The following MTMR14 variants were observed in gnomAD, a reference collection of about 807,000 sequenced individuals.
MTMR14 encodes the protein myotubularin related protein 14, also known as phosphatidylinositol-3,5-bisphosphate 3-phosphatase MTMR14.
MTMR14 carries 48 observed loss-of-function variants against 86.3 expected under a neutral mutation model. The ratio of observed to expected loss-of-function variants is 0.56; its 90% CI spans 0.44 to 0.71. The LOEUF is 0.71. Among genes scored for constraint, MTMR14 ranks in the 30% least tolerant of loss-of-function variants. The probability of loss-of-function intolerance (pLI) is 0.00; values close to 1 mark genes in which losing one functional copy is unlikely to be tolerated. For missense variants in MTMR14, 780 were observed against 834.6 expected, an observed-to-expected ratio of 0.93 and a Z score of 0.81; for synonymous variants, 366 against 326.1, an observed-to-expected ratio of 1.12 and a Z score of -1.32.
At chr3:9,687,580 C>T (rs1027413205) in intron 13 of MTMR14, among the ~76,000 whole-genome samples, 1 of 151,680 alleles carries the variant, frequency 6.6e-6, no homozygotes, top group African/African-American at 2.4e-5. Flanking sequence ...AAATAGCTGG[C>T]TTAACCCTGG....
intron 16 of MTMR14, among the ~76,000 whole-genome samples, chr3:9,689,695 T>C (rs966766699): frequency 6.6e-6 from 1 of 152,156 alleles, no homozygotes; most frequent in African/African-American, 2.4e-5. Context: ...GCATAACATA[T>C]GGAGGTGGGC....
chr3:9,697,558 A>T (rs1319882082), intron 17 of MTMR14, among the ~76,000 whole-genome samples, 153 bp from the exon 18 acceptor site: 1 of 150,872 alleles, frequency 6.6e-6, no homozygotes, highest in Non-Finnish European at 1.5e-5. Context: ...CTCGGTCACT[A>T]CTTGTCCAGC....
In MTMR14 at chr3:9,677,860, T is replaced by C. The variant is rs1314672859; in HGVS notation, c.823-124T>C. The stretch of plus-strand genomic sequence containing the variant: ...AGCTGTCACTCCCAGGTAGCACAGG[T>C]ATCTGGCCCAGAGAAGGCAAGCACT... On this transcript the variant is annotated intron_variant, in intron 8 of 18. Transcript: ENST00000296003. This position sits in a 1 kb window ranked among gnomAD's most constrained non-coding sequence, Gnocchi z 4.2. The C allele has an allele frequency of 1.3e-6, 1 of 768,752 alleles. No individual in the cohort carries two copies. The highest frequency in any genetic ancestry group is 1.7e-5 in the African/African-American group (1 of 57,502). The allele number at this position is 768,752 out of a possible 1,614,324, so 47.6% of individuals were successfully genotyped here.
intron 7 of MTMR14, among the ~76,000 whole-genome samples, chr3:9,673,296 G>A (rs2048672673): frequency 6.6e-6 from 1 of 152,206 alleles, no homozygotes; most frequent in Non-Finnish European, 1.5e-5. Flanking sequence ...ACTGGACAGT[G>A]GCCACACCAT....
chr3:9,681,183 GTGAA>G (rs1043844950), intron 9 of MTMR14, among the ~76,000 whole-genome samples: 36 of 152,340 alleles, frequency 2.4e-4, no homozygotes, highest in African/African-American at 8.2e-4. Context: ...GAATGAATGA[GTGAA>G]TGAATGAATG....
At chr3:9,656,010 C>T (rs901473689) in intron 2 of MTMR14, among the ~76,000 whole-genome samples, 4 of 151,960 alleles carry the variant, frequency 2.6e-5, no homozygotes, top group African/African-American at 9.7e-5. Context: ...TCCTGGCCAA[C>T]ATGGTGAAAC....
intron 14 of MTMR14, 86 bp from the exon 15 acceptor site, chr3:9,688,610 T>C: frequency 6.5e-7 from 1 of 1,529,336 alleles, no homozygotes; most frequent in South Asian, 1.1e-5. Context: ...ATTGAGCTGC[T>C]TTCCAGGACA....
intron 9 of MTMR14, among the ~76,000 whole-genome samples, chr3:9,680,298 G>T (rs1214054528): frequency 6.6e-6 from 1 of 152,186 alleles, no homozygotes; most frequent in Non-Finnish European, 1.5e-5. Flanking sequence ...CGTCTCCTGT[G>T]CAGTGCCTAG....
chr3:9,670,974 T>C, intron 5 of MTMR14, 74 bp from the exon 6 acceptor site: 2 of 1,600,046 alleles, frequency 1.2e-6, no homozygotes, highest in Non-Finnish European at 1.7e-6. Context: ...CATACTTCCC[T>C]GAATGAGTGC....
At chr3:9,663,112 G>A (rs2048032715) in intron 3 of MTMR14, among the ~76,000 whole-genome samples, 1 of 152,190 alleles carries the variant, frequency 6.6e-6, no homozygotes, top group African/African-American at 2.4e-5. Flanking sequence ...CGTTTGAGCG[G>A]GGAAATTCCG....
At chr3:9,666,668 C>T (rs1202547384) in intron 3 of MTMR14, among the ~76,000 whole-genome samples, 1 of 152,158 alleles carries the variant, frequency 6.6e-6, no homozygotes, top group Non-Finnish European at 1.5e-5. Flanking sequence ...TTGAGTCTGG[C>T]TTTTAGACCA....
chr3:9,659,755 G>A (rs1234215950), intron 2 of MTMR14: 1 of 456,560 alleles, frequency 2.2e-6, no homozygotes, highest in Non-Finnish European at 4.4e-6. Context: ...AACTGAATTG[G>A]AGCTTGATGT....
rs1199079529 is a variant in MTMR14, at chr3:9,688,704, G to T, written c.1244G>T (p.Ser415Ile). 11 of 1,614,206 alleles carry T rather than the reference G, an allele frequency of 6.8e-6. No individual in the cohort carries two copies. Among genetic ancestry groups the T allele is most frequent in the Non-Finnish European group, 9.3e-6 (11 of 1,180,038 alleles). The change falls in exon 15 of 19, where the codon AGT becomes ATT. Residue 415 changes from serine (S) to isoleucine (I), a missense_variant. Ser to Ile is a moderately radical substitution (Grantham distance 142). Transcript: ENST00000296003. ...FSALKTQRRK[S>I]LPARDGGFTL... is the part of the protein sequence containing the mutation. ...CCGGCTTCCATTTCTAGGAGGAAGA[G>T]TTTGCCAGCCCGGGATGGAGGCTTC...
At position 9,669,532 on chromosome 3, in the gene MTMR14, G is replaced by T. The variant is rs560262087; in HGVS notation, c.554+40G>T. On this transcript the variant is annotated intron_variant, in intron 5 of 18. Coordinates refer to ENST00000296003, the MANE Select transcript of MTMR14 (RefSeq NM_001077525.3). Reference sequence around the variant, plus strand: ...GCTGTGGTCAGGGGCTTGTGTTGGGGATGGGGTGTCTGGCCAGAGATGGCC... The same window carrying T: ...GCTGTGGTCAGGGGCTTGTGTTGGGTATGGGGTGTCTGGCCAGAGATGGCC... The T allele has an allele frequency of 2.7e-5, 43 of 1,599,026 alleles. 1 individual carries two copies. In the South Asian group the frequency reaches 4.3e-4, roughly 16 times the overall value.
chr3:9,685,129 C>T lies in MTMR14; in HGVS notation c.1128-82C>T, dbSNP rs2075894951. 1.9e-6 allele frequency: 3 copies of T among 1,586,872 alleles called. No homozygotes were observed. The Admixed American group carries it at 5.0e-5, about 26-fold the overall frequency. ...ACCTGCCACGCTGGTGCCAGTGACA[C>T]AGTCTGTGTCTGGTGACCCTGTCCT... is the stretch of plus-strand genomic sequence containing the variant. On this transcript the variant is annotated intron_variant, in intron 12 of 18. Coordinates refer to ENST00000296003, the MANE Select transcript of MTMR14 (RefSeq NM_001077525.3).
chr3:9,697,691 C>G lies in MTMR14; in HGVS notation c.1614-20C>G, dbSNP rs769017461. ...TATGACTGACTGCATCCTCTCCCCT[C>G]TCTCTCCTCTCTGCCCCAGATCAGT... is the stretch of plus-strand genomic sequence containing the variant. On this transcript the variant is annotated intron_variant, in intron 17 of 18. Coordinates refer to ENST00000296003, the MANE Select transcript of MTMR14 (RefSeq NM_001077525.3). The G allele has an allele frequency of 1.2e-6, 2 of 1,612,132 alleles. No individual in the cohort carries two copies. The highest frequency in any genetic ancestry group is 1.7e-6 in the Non-Finnish European group (2 of 1,178,812).
chr3:9,684,273 C>T (rs1367817557), intron 10 of MTMR14, among the ~76,000 whole-genome samples: 4 of 152,180 alleles, frequency 2.6e-5, no homozygotes, highest in Admixed American at 2.6e-4. Context: ...TTGTCGTGCC[C>T]TCTGAGAAAC....
At chr3:9,678,950 C>T (rs2075669981) in intron 9 of MTMR14, among the ~76,000 whole-genome samples, 1 of 152,200 alleles carries the variant, frequency 6.6e-6, no homozygotes, top group Admixed American at 6.5e-5. Flanking sequence ...CAACAGAAAA[C>T]ATTCTGCCTC....
chr3:9,685,070 C>A, intron 12 of MTMR14, 106 bp downstream of exon 12: 1 of 1,484,228 alleles, frequency 6.7e-7, no homozygotes, highest in Non-Finnish European at 9.4e-7. Context: ...TAATTCCACC[C>A]CTCGAGAAGG....
Sources: allele counts gnomAD v4.1 joint callset (sites outside exome capture counted in the v4.1 genomes callset), GRCh38; gene constraint gnomAD v4.1.1; non-coding constraint Gnocchi (gnomAD v3.1); transcripts MANE v1.5; gene names NCBI Gene and HGNC (gene_info 2026-07-23, HGNC 2026-07-21).